The following VLDLR variants were observed in gnomAD, a reference collection of about 807,000 sequenced individuals.
The protein encoded by VLDLR is very low-density lipoprotein receptor.
Under a neutral mutation model 112.7 loss-of-function variants are expected in VLDLR, and 81 were observed. That is an observed-to-expected ratio of 0.72 (90% CI 0.60 to 0.86). VLDLR has a LOEUF of 0.86. Ranked by LOEUF, VLDLR falls within the 40% of genes least tolerant of loss-of-function variation. The pLI is 0.00. For missense variants in VLDLR, 1,237 were observed against 1,099.4 expected (o/e 1.13, Z -1.77); for synonymous variants, 436 against 384.8 (o/e 1.13, Z -1.56).
chr9:2,630,228 A>C (rs1381210628), intron 1 of VLDLR, among the ~76,000 whole-genome samples: 1 of 152,152 alleles, frequency 6.6e-6, no homozygotes, highest in Non-Finnish European at 1.5e-5. Context: ...CCCTTAGGAA[A>C]ACTTTTTTGC....
chr9:2,637,833 C>T (rs899059888), intron 2 of VLDLR, among the ~76,000 whole-genome samples: 6 of 152,132 alleles, frequency 3.9e-5, no homozygotes, highest in African/African-American at 1.4e-4. Flanking sequence ...GTCCCAGCTA[C>T]TCGGGAGGCT....
chr9:2,624,928 C>T (rs1053369008), intron 1 of VLDLR, among the ~76,000 whole-genome samples: 1 of 152,186 alleles, frequency 6.6e-6, no homozygotes, highest in African/African-American at 2.4e-5. Context: ...TGGCATTTAC[C>T]TATAGTGCCT....
At chr9:2,624,826 G>C (rs959322317) in intron 1 of VLDLR, among the ~76,000 whole-genome samples, 5 of 152,188 alleles carry the variant, frequency 3.3e-5, no homozygotes, top group African/African-American at 1.2e-4. Context: ...CTGCGTAAAG[G>C]AAGGTCACCA....
intron 12 of VLDLR, 26 bp downstream of exon 12, chr9:2,647,618 A>C: frequency 1.3e-6 from 2 of 1,562,074 alleles, no homozygotes; most frequent in Non-Finnish European, 8.8e-7. Flanking sequence ...CTTCTCGACC[A>C]CCCACTCAAC....
chr9:2,645,475 A>G, intron 9 of VLDLR, 99 bp from the exon 10 acceptor site: 2 of 1,428,200 alleles, frequency 1.4e-6, no homozygotes, highest in South Asian at 1.2e-5. Context: ...ATTCCACAAT[A>G]CCTTTATTTT....
At chr9:2,644,267 T>C (rs541632699) in intron 7 of VLDLR, among the ~76,000 whole-genome samples, 1 of 150,410 alleles carries the variant, frequency 6.6e-6, no homozygotes, top group African/African-American at 2.4e-5. Context: ...CAAGCAGTTC[T>C]TCTGCCTCAG....
In VLDLR at chr9:2,646,351, A is replaced by C. The variant is rs780670959; in HGVS notation, c.1502A>C (p.Lys501Thr). 6.2e-7 allele frequency: 1 copy of C among 1,614,152 alleles called. No individual in the cohort carries two copies. The highest frequency in any genetic ancestry group is 8.5e-7 in the Non-Finnish European group (1 of 1,180,018). The change falls in exon 11 of 19, where the codon AAG becomes ACG. Residue 501 changes from lysine to threonine, a missense_variant. Coordinates refer to ENST00000382100, the MANE Select transcript of VLDLR (RefSeq NM_003383.5). Reference protein sequence around the residue: ...KAIFSASIDDKVGRHVKMIDN... With the variant: ...KAIFSASIDDTVGRHVKMIDN... The stretch of plus-strand genomic sequence containing the variant: ...TGTTTCAGTGCCTCAATTGATGACA[A>C]GGTTGGTAGACATGTTAAAATGATC...
chr9:2,643,039 T>A (rs1817892319), intron 4 of VLDLR, 121 bp from the exon 5 acceptor site: 30 of 1,479,494 alleles, frequency 2.0e-5, no homozygotes, highest in Non-Finnish European at 2.6e-5. Context: ...CATTGTAGCC[T>A]TTAAGTTGGG....
rs1475388185 is a variant in VLDLR at position 2,650,531 on chromosome 9, G to C, written c.2251+15G>C. ...AGACTGTCAAAGTAAGGCATTTTGT[G>C]TTTCAACCACAAGTAGAACCTACAA... is the stretch of plus-strand genomic sequence containing the variant. On this transcript the variant is annotated intron_variant, in intron 15 of 18. Coordinates refer to ENST00000382100, the MANE Select transcript of VLDLR (RefSeq NM_003383.5). 1 of 1,612,624 alleles carries C rather than the reference G, an allele frequency of 6.2e-7. No homozygotes were observed. The highest frequency in any genetic ancestry group is 1.7e-5 in the Admixed American group (1 of 60,012).
At chr9:2,641,341 T>C (rs751859995) in intron 3 of VLDLR, 36 bp from the exon 4 acceptor site, 1 of 1,613,620 alleles carries the variant, frequency 6.2e-7, no homozygotes, top group Non-Finnish European at 8.5e-7. Flanking sequence ...CATTGATCAG[T>C]TCTGAGGCTC....
At position 2,655,400 on chromosome 9, in the gene VLDLR, T is replaced by C. The variant is rs183275434; in HGVS notation, c.*1532T>C. The stretch of plus-strand genomic sequence containing the variant: ...CAAAAGACTTGAAGCACCGGGTGCA[T>C]GCTGTGTGTCACAAGTGAGGTGGAG... On this transcript the variant is annotated 3_prime_UTR_variant, in exon 19 of 19. Coordinates refer to ENST00000382100, the MANE Select transcript of VLDLR (RefSeq NM_003383.5). The C allele has an allele frequency of 6.6e-6, 1 of 152,318 alleles. No individual in the cohort carries two copies. The highest frequency in any genetic ancestry group is 1.5e-5 in the Non-Finnish European group (1 of 68,038). 9.4% of individuals were successfully genotyped at this position (152,318 alleles called of 1,614,324 possible). A position where few individuals can be genotyped will look rare whatever the true frequency, so the allele number is the denominator to read the frequency against.
chr9:2,648,550 T>C, intron 13 of VLDLR, 119 bp from the exon 14 acceptor site: 1 of 1,546,772 alleles, frequency 6.5e-7, no homozygotes, highest in South Asian at 1.1e-5. Flanking sequence ...TTATATCCAG[T>C]GTCCCAGTTC....
intron 7 of VLDLR, 150 bp from the exon 8 acceptor site, chr9:2,644,584 A>G: frequency 1.0e-6 from 1 of 976,156 alleles, no homozygotes; most frequent in Non-Finnish European, 1.5e-6. Context: ...ACCCTGAAAT[A>G]TATACCTATA....
chr9:2,623,412 C>T (rs1816930154), intron 1 of VLDLR, among the ~76,000 whole-genome samples: 1 of 152,256 alleles, frequency 6.6e-6, no homozygotes, highest in Admixed American at 6.5e-5. Context: ...GAAAGCCGCC[C>T]AGGCCCTTAA....
At position 2,648,238 on chromosome 9, in the gene VLDLR, A is replaced by C. The variant is rs779876155; in HGVS notation, c.1853A>C (p.Asp618Ala). 1 of 1,614,164 alleles carries C rather than the reference A, an allele frequency of 6.2e-7. No individual in the cohort carries two copies. The highest frequency in any genetic ancestry group is 8.5e-7 in the Non-Finnish European group (1 of 1,180,032). Residue 618 changes from aspartate to alanine, a missense_variant, in exon 13 of 19, where the codon GAT becomes GCT. Physicochemically the swap from Asp to Ala is moderately radical, Grantham distance 126 (BLOSUM62 -2). Transcript: ENST00000382100. ...ATAAAAAGTCGCCTCTATTGGCTTG[A>C]TTCTAAGTTGCACATGTTATCCAGC... ...DLIKSRLYWL[D>A]SKLHMLSSVD...
In VLDLR at chr9:2,640,024, C is replaced by T. The variant is rs768371861; in HGVS notation, c.325+43C>T. Reference sequence around the variant, plus strand: ...TGGCCTTGAACTTTGCCAAGTTGTTCGGTGTCTAACATTTCTAAGTATTGC... The same window carrying T: ...TGGCCTTGAACTTTGCCAAGTTGTTTGGTGTCTAACATTTCTAAGTATTGC... On this transcript the variant is annotated intron_variant, in intron 3 of 18. Coordinates refer to ENST00000382100, the MANE Select transcript of VLDLR (RefSeq NM_003383.5). 8.6e-5 allele frequency: 138 copies of T among 1,613,716 alleles called. 1 individual carries two copies. The South Asian group carries it at 1.1e-3, about 13-fold the overall frequency.
chr9:2,627,303 A>G (rs970062153), intron 1 of VLDLR, among the ~76,000 whole-genome samples: 2 of 152,262 alleles, frequency 1.3e-5, no homozygotes, highest in African/African-American at 4.8e-5. Flanking sequence ...AAAAGCCAGA[A>G]ATAATTCTAT....
intron 7 of VLDLR, 120 bp from the exon 8 acceptor site, chr9:2,644,614 A>T: frequency 1.6e-6 from 2 of 1,277,280 alleles, no homozygotes; most frequent in Non-Finnish European, 2.2e-6. Flanking sequence ...ATTAGGTCTT[A>T]GACAAATCGT....
At chr9:2,632,303 T>G (rs35104324) in intron 1 of VLDLR, among the ~76,000 whole-genome samples, 94 of 152,346 alleles carry the variant, frequency 6.2e-4, no homozygotes, top group African/African-American at 2.2e-3. Flanking sequence ...CCCTCTAGCC[T>G]GAGGCATTCT....
Sources: allele counts gnomAD v4.1 joint callset (sites outside exome capture counted in the v4.1 genomes callset), GRCh38; gene constraint gnomAD v4.1.1; transcripts MANE v1.5; gene names NCBI Gene and HGNC (gene_info 2026-07-23, HGNC 2026-07-21).